Variants in CCDC85C observed in about 807,000 individuals in gnomAD.
The protein encoded by CCDC85C is coiled-coil domain-containing protein 85C.
Under a neutral mutation model 38.3 loss-of-function variants are expected in CCDC85C, and 18 were observed. That is an observed-to-expected ratio of 0.47 (90% CI 0.33 to 0.70). The LOEUF is 0.70. Among genes scored for constraint, CCDC85C ranks in the 30% least tolerant of loss-of-function variants. CCDC85C has a pLI of 0.03. For missense variants in CCDC85C, 566 were observed against 621.2 expected (o/e 0.91, Z 0.94); for synonymous variants, 264 against 293.8 (o/e 0.90, Z 1.04).
At chr14:99,586,350 C>A (rs1021610740) in intron 1 of CCDC85C, among the ~76,000 whole-genome samples, 18 of 152,246 alleles carry the variant, frequency 1.2e-4, no homozygotes, top group African/African-American at 3.9e-4. Context: ...ATGCCCCTCA[C>A]AGGCAGCGGC....
In CCDC85C at chr14:99,510,805, GT is replaced by G; in HGVS notation, c.*4440del. On this transcript the variant is annotated 3_prime_UTR_variant, in exon 6 of 6. Transcript: ENST00000380243. ...TAACGTGAGCCTTTTTTCCCTCTTT[GT>G]TTTTTTAACAAGATTTTCTAATCGA... is the stretch of plus-strand genomic sequence containing the variant. 2 of 1,409,160 alleles carry G rather than the reference GT, an allele frequency of 1.4e-6. No individual in the cohort carries two copies. Among genetic ancestry groups the G allele is most frequent in the Non-Finnish European group, 9.3e-7 (1 of 1,080,932 alleles). 87.3% of individuals were successfully genotyped at this position (1,409,160 alleles called of 1,614,324 possible). A position where few individuals can be genotyped will look rare whatever the true frequency, so the allele number is the denominator to read the frequency against.
At position 99,510,129 on chromosome 14, in the gene CCDC85C, C is replaced by G; in HGVS notation, c.*5117G>C. ...AAAAGCAACCATTGCTGGCGGAGGC[C>G]GGGCACTGATGCGTCTCTCTCCTGC... is the stretch of plus-strand genomic sequence containing the variant. On this transcript the variant is annotated 3_prime_UTR_variant, in exon 6 of 6. Transcript: ENST00000380243. 4 of 1,576,836 alleles carry G rather than the reference C, an allele frequency of 2.5e-6. No individual in the cohort carries two copies. The highest frequency in any genetic ancestry group is 3.4e-6 in the Non-Finnish European group (4 of 1,166,616).
At chr14:99,542,627 C>T (rs1352180805) in intron 1 of CCDC85C, among the ~76,000 whole-genome samples, 5 of 152,168 alleles carry the variant, frequency 3.3e-5, no homozygotes, top group Admixed American at 6.5e-5. Context: ...CCAGGCAGTC[C>T]TCCCCACCCT....
At chr14:99,519,084 C>T (rs1464274511) in intron 3 of CCDC85C, among the ~76,000 whole-genome samples, 9 of 118,092 alleles carry the variant, frequency 7.6e-5, no homozygotes, top group Admixed American at 3.5e-4. Context: ...TATCTTTTTA[C>T]ATGTTCATAC....
chr14:99,569,276 A>G lies in CCDC85C; in HGVS notation c.794-33188T>C, dbSNP rs1363744967. On this transcript the variant is annotated intron_variant, in intron 1 of 5. Coordinates refer to ENST00000380243, the MANE Select transcript of CCDC85C (RefSeq NM_001144995.2). The surrounding 1 kb of genome is among the most constrained non-coding windows in gnomAD (Gnocchi z 4.3). ...CGAAGGCTGAAAACAAGGAACCAAG[A>G]AACAGAACCACATGACACAGGGCTC... 6.6e-6 allele frequency among the ~76,000 whole-genome samples: 1 copy of G among 152,212 alleles called. No individual in the cohort carries two copies. The highest frequency in any genetic ancestry group is 2.4e-5 in the African/African-American group (1 of 41,450).
intron 2 of CCDC85C, among the ~76,000 whole-genome samples, chr14:99,526,162 T>C (rs1334708740): frequency 6.6e-6 from 1 of 152,238 alleles, no homozygotes; most frequent in Non-Finnish European, 1.5e-5. Flanking sequence ...GCCCTCCTGC[T>C]TCTGGCCTGT....
At chr14:99,566,166 A>G (rs1898211861) in intron 1 of CCDC85C, among the ~76,000 whole-genome samples, 2 of 152,216 alleles carry the variant, frequency 1.3e-5, no homozygotes, top group Admixed American at 1.3e-4. Context: ...TGCTACTTGA[A>G]AAGGAAACTG....
rs1896884256 is a variant in CCDC85C at position 99,503,215 on chromosome 14, C to G, written c.*12031G>C. 7.3e-6 allele frequency: 5 copies of G among 681,182 alleles called. No homozygotes were observed. Among genetic ancestry groups the G allele is most frequent in the Non-Finnish European group, 1.3e-5 (5 of 376,796 alleles). The allele number at this position is 681,182 out of a possible 1,614,324, so 42.2% of individuals were successfully genotyped here. ...TCTCTGCCCGGCTCCAGCCCTGCTG[C>G]CTGTTTCATCCCTGCCAGGGTTCTG... On this transcript the variant is annotated 3_prime_UTR_variant, in exon 6 of 6. Coordinates refer to ENST00000380243, the MANE Select transcript of CCDC85C (RefSeq NM_001144995.2).
intron 1 of CCDC85C, among the ~76,000 whole-genome samples, chr14:99,565,269 T>A (rs557267012): frequency 6.6e-6 from 1 of 152,224 alleles, no homozygotes; most frequent in East Asian, 1.9e-4. Context: ...CCCCTCCTCC[T>A]CCACCACCCC....
chr14:99,517,314 G>C, intron 3 of CCDC85C, 131 bp from the exon 4 acceptor site: 1 of 694,646 alleles, frequency 1.4e-6, no homozygotes. Context: ...GGGTGAGGCA[G>C]AGGAGGCAGG....
rs906221797 is a variant in CCDC85C, at chr14:99,572,791, G to A, written c.793+30376C>T. ...CATCTTCCAAAGGAGACTTCTGTCT[G>A]TCTTGCTTCATGGAAGTATCCCAGG... On this transcript the variant is annotated intron_variant, in intron 1 of 5. Transcript: ENST00000380243. This position sits in a 1 kb window ranked among gnomAD's most constrained non-coding sequence, Gnocchi z 4.4. 2.2e-6 allele frequency: 1 copy of A among 456,130 alleles called. No homozygotes were observed. Among genetic ancestry groups the A allele is most frequent in the Non-Finnish European group, 4.4e-6 (1 of 226,810 alleles). The allele number at this position is 456,130 out of a possible 1,614,324, so 28.3% of individuals were successfully genotyped here. A position where few individuals can be genotyped will look rare whatever the true frequency, so the allele number is the denominator to read the frequency against.
rs1898427827 is a variant in CCDC85C at position 99,574,446 on chromosome 14, C to A, written c.793+28721G>T. ...CACCCCATACGCTCCCCTCACCCTC[C>A]CACATGCTCCCCTCACCCCATCCCC... is the stretch of plus-strand genomic sequence containing the variant. On this transcript the variant is annotated intron_variant, in intron 1 of 5. Transcript: ENST00000380243. 2.0e-5 allele frequency among the ~76,000 whole-genome samples: 3 copies of A among 152,122 alleles called. 1 individual carries two copies. In the South Asian group the frequency reaches 6.2e-4, roughly 31 times the overall value.
chr14:99,572,827 C>G lies in CCDC85C; in HGVS notation c.793+30340G>C, dbSNP rs761033609. The G allele has an allele frequency of 4.4e-6, 2 of 455,984 alleles. No individual in the cohort carries two copies. The highest frequency in any genetic ancestry group is 1.5e-5 in the South Asian group (1 of 64,564). The allele number at this position is 455,984 out of a possible 1,614,324, so 28.2% of individuals were successfully genotyped here. ...TGGAAGTATCCCAGGAGCATGGAAA[C>G]GGGGCCTGGTGTGCAACAGGTGCTC... On this transcript the variant is annotated intron_variant, in intron 1 of 5. Coordinates refer to ENST00000380243, the MANE Select transcript of CCDC85C (RefSeq NM_001144995.2). This position sits in a 1 kb window ranked among gnomAD's most constrained non-coding sequence, Gnocchi z 4.4.
chr14:99,550,458 G>T (rs1897886830), intron 1 of CCDC85C, among the ~76,000 whole-genome samples: 1 of 152,182 alleles, frequency 6.6e-6, no homozygotes, highest in Non-Finnish European at 1.5e-5. Context: ...TGGCACTTCT[G>T]ACCTCCAGAA....
At chr14:99,553,820 C>T (rs991151600) in intron 1 of CCDC85C, among the ~76,000 whole-genome samples, 1 of 152,216 alleles carries the variant, frequency 6.6e-6, no homozygotes. Context: ...AGGGCAAGGA[C>T]CCGAGGCTGA....
At chr14:99,525,857 C>T (rs1199071830) in intron 2 of CCDC85C, among the ~76,000 whole-genome samples, 5 of 152,174 alleles carry the variant, frequency 3.3e-5, no homozygotes, top group African/African-American at 4.8e-5. Flanking sequence ...TCTCAGTGCT[C>T]GGTGCAGGGA....
Position 99,601,953 on chromosome 14 carries a change from G to A in CCDC85C, c.793+1214C>T, listed in dbSNP as rs1051308221. On this transcript the variant is annotated intron_variant, in intron 1 of 5. Coordinates refer to ENST00000380243, the MANE Select transcript of CCDC85C (RefSeq NM_001144995.2). ...CCCAACACGTCTGCAGAGGCCACTT[G>A]GCCACCAAACTAAGGAGAAAACGTC... Among the ~76,000 whole-genome samples the A allele has an allele frequency of 5.2e-5, 7 of 135,920 alleles. No individual in the cohort carries two copies. In the Admixed American group the frequency reaches 5.6e-4, roughly 11 times the overall value. 89.2% of individuals were successfully genotyped at this position (135,920 alleles called of 152,430 possible).
chr14:99,578,098 TCCC>T (rs1257530273), intron 1 of CCDC85C, among the ~76,000 whole-genome samples: 6 of 128,722 alleles, frequency 4.7e-5, no homozygotes, highest in Non-Finnish European at 6.3e-5. Context: ...CCGTCCTGTA[TCCC>T]CCATCAGTGT....
intron 1 of CCDC85C, among the ~76,000 whole-genome samples, chr14:99,555,861 A>G (rs10150397): frequency 0.54 from 81,971 of 152,086 alleles, 22,368 homozygotes; most frequent in African/African-American, 0.61. Context: ...CAAACCACGT[A>G]ATCAAGTTCA....
Sources: allele counts gnomAD v4.1 joint callset (sites outside exome capture counted in the v4.1 genomes callset), GRCh38; gene constraint gnomAD v4.1.1; non-coding constraint Gnocchi (gnomAD v3.1); transcripts MANE v1.5; gene names NCBI Gene and HGNC (gene_info 2026-07-23, HGNC 2026-07-21).